The following ZNF862 variants were observed in gnomAD, a reference collection of about 807,000 sequenced individuals.
ZNF862 encodes the protein zinc finger protein 862.
ZNF862 carries 64 observed loss-of-function variants against 91.1 expected under a neutral mutation model. The ratio of observed to expected loss-of-function variants is 0.70; its 90% CI spans 0.57 to 0.87. ZNF862 has a LOEUF of 0.87. Ranked by LOEUF, ZNF862 falls within the 40% of genes least tolerant of loss-of-function variation. The probability of loss-of-function intolerance (pLI) is 0.00; values close to 1 mark genes in which losing one functional copy is unlikely to be tolerated. For synonymous variants in ZNF862, 631 were observed against 618.1 expected (o/e 1.02, Z -0.31); for missense variants, 1,459 against 1,528.0 (o/e 0.95, Z 0.75).
chr7:149,851,278 G>A (rs1442248304), intron 5 of ZNF862, among the ~76,000 whole-genome samples: 2 of 152,154 alleles, frequency 1.3e-5, no homozygotes, highest in East Asian at 3.9e-4. Context: ...TGATCCACCT[G>A]CCTTGGCCTC....
chr7:149,859,389 T>C, intron 5 of ZNF862, 33 bp from the exon 6 acceptor site: 1 of 1,535,726 alleles, frequency 6.5e-7, no homozygotes, highest in Middle Eastern at 1.7e-4. Flanking sequence ...GCCACAGCAG[T>C]GACATCAGCA....
intron 7 of ZNF862, among the ~76,000 whole-genome samples, chr7:149,863,758 T>A (rs2074703): frequency 1.5e-4 from 23 of 152,160 alleles, no homozygotes; most frequent in African/African-American, 5.3e-4. Flanking sequence ...GGGTAATCTC[T>A]GTTGGGGGCC....
intron 5 of ZNF862, among the ~76,000 whole-genome samples, chr7:149,856,916 T>C (rs1228146192): frequency 6.6e-6 from 1 of 152,246 alleles, no homozygotes; most frequent in Non-Finnish European, 1.5e-5. Flanking sequence ...TTTGGGCATA[T>C]AGGATTCTAG....
At position 149,859,459 on chromosome 7, in the gene ZNF862, G is replaced by T; in HGVS notation, c.1155G>T (p.Leu385=). The change falls in exon 6 of 8, where the codon CTG becomes CTT. Residue 385 remains leucine, a synonymous_variant. Transcript: ENST00000223210. ...CCAAGCCAGACTTGATCTCCAAACT[G>T]GAGCGGAGGGCTGCACCCTGGATCA... is the stretch of plus-strand genomic sequence containing the variant. ...AAAKPDLISK[L]ERRAAPWIKD... is the part of the protein sequence containing the mutation. The T allele has an allele frequency of 6.3e-7, 1 of 1,588,392 alleles. No individual in the cohort carries two copies.
intron 2 of ZNF862, among the ~76,000 whole-genome samples, chr7:149,845,689 A>G (rs899358859): frequency 1.2e-4 from 18 of 152,296 alleles, no homozygotes; most frequent in Admixed American, 7.2e-4. Flanking sequence ...TTTTCACATA[A>G]GAATATGGAT....
At chr7:149,841,809 T>C (rs762322671) in intron 1 of ZNF862, 2 of 960,292 alleles carry the variant, frequency 2.1e-6, no homozygotes, top group Non-Finnish European at 2.5e-6. Context: ...CTGAACATGG[T>C]TCTATTATTG....
chr7:149,845,047 T>C lies in ZNF862; in HGVS notation c.136+311T>C, dbSNP rs1801825069. The C allele has an allele frequency of 9.4e-6, 3 of 317,816 alleles. No homozygotes were observed. In the South Asian group the frequency reaches 9.7e-5, roughly 10 times the overall value. The allele number at this position is 317,816 out of a possible 1,614,324, so 19.7% of individuals were successfully genotyped here. A position where few individuals can be genotyped will look rare whatever the true frequency, so the allele number is the denominator to read the frequency against. ...GGGAGGGAAACTCGGAAACTAGGCC[T>C]GTGGATCTGTGGAGCCCGTAGGACA... On this transcript the variant is annotated intron_variant, in intron 2 of 7. Transcript: ENST00000223210.
intron 6 of ZNF862, chr7:149,860,041 A>G (rs1159281186): frequency 5.9e-6 from 2 of 337,178 alleles, no homozygotes; most frequent in Non-Finnish European, 1.1e-5. Context: ...ACGAGAGTGA[A>G]AGCCACCTGC....
At chr7:149,849,703 A>G (rs2128937761) in intron 4 of ZNF862, among the ~76,000 whole-genome samples, 2 of 152,302 alleles carry the variant, frequency 1.3e-5, no homozygotes, top group South Asian at 4.1e-4. Flanking sequence ...ACCTTTTATC[A>G]TCTGAATTCA....
At chr7:149,843,957 C>T (rs1387625361) in intron 1 of ZNF862, among the ~76,000 whole-genome samples, 2 of 152,130 alleles carry the variant, frequency 1.3e-5, no homozygotes, top group East Asian at 3.9e-4. Context: ...TCTTGGTTTT[C>T]AAGAGTGTAT....
chr7:149,857,918 G>A (rs546928232), intron 5 of ZNF862, among the ~76,000 whole-genome samples: 17 of 152,236 alleles, frequency 1.1e-4, no homozygotes, highest in African/African-American at 3.4e-4. Flanking sequence ...TTTCAGTACC[G>A]CACCACCCCT....
At chr7:149,844,925 C>T (rs2128936313) in intron 2 of ZNF862, 189 bp downstream of exon 2, 2 of 552,414 alleles carry the variant, frequency 3.6e-6, no homozygotes, top group East Asian at 6.4e-5. Flanking sequence ...CCTTTCTCTT[C>T]TCCCCTTAAA....
At position 149,864,136 on chromosome 7, in the gene ZNF862, G is replaced by A; in HGVS notation, c.3362G>A (p.Gly1121Glu). 6.3e-7 allele frequency: 1 copy of A among 1,589,842 alleles called. No homozygotes were observed. The highest frequency in any genetic ancestry group is 1.2e-5 in the South Asian group (1 of 86,918). The stretch of plus-strand genomic sequence containing the variant: ...GCCAGGCTCAGGAAGGAGGAGATGG[G>A]AGCCCTCTATGTGGAGGAGCCCAGG... ...ASARLRKEEM[G>E]ALYVEEPRTQ... Residue 1121 changes from glycine (G) to glutamate (E), a missense_variant, in exon 8 of 8, where the codon GGA becomes GAA. Physicochemically the swap from Gly to Glu is moderately conservative, Grantham distance 98 (BLOSUM62 -2). Transcript: ENST00000223210.
In ZNF862 at chr7:149,862,303, G is replaced by A. The variant is rs745905639; in HGVS notation, c.3143G>A (p.Arg1048Gln). The change falls in exon 7 of 8, where the codon CGA (arginine) becomes CAA (glutamine). Residue 1048 changes from arginine to glutamine, a missense_variant. Arg to Gln is a conservative substitution (Grantham distance 43). Transcript: ENST00000223210. ...GAGCGGGGGTTCAAGGCCATGAACCGAATCAGGACCGATGAGAGGACCAAG... is the reference window on the plus strand; with the variant it reads ...GAGCGGGGGTTCAAGGCCATGAACCAAATCAGGACCGATGAGAGGACCAAG... ...CCERGFKAMN[R>Q]IRTDERTKLS... 1.2e-5 allele frequency: 20 copies of A among 1,613,376 alleles called. No individual in the cohort carries two copies. Among genetic ancestry groups the A allele is most frequent in the South Asian group, 1.1e-4 (10 of 90,988 alleles).
At position 149,848,414 on chromosome 7, in the gene ZNF862, AG is replaced by A. The variant is rs1801954345; in HGVS notation, c.922del (p.Val308Ter). ...ACATTAATATTTTATATAATGATGC[AG>A]TAGAATCCTGCATTCAGGTAATACG... Reference protein sequence around the residue: ...SDINILYNDAVESCIQDPSAE... With the variant: ...SDINILYNDAXESCIQDPSAE... On this transcript the variant is annotated frameshift_variant, in exon 4 of 8. Transcript: ENST00000223210. LOFTEE classifies it high-confidence loss of function. 2 of 1,553,452 alleles carry A rather than the reference AG, an allele frequency of 1.3e-6. No homozygotes were observed. Among genetic ancestry groups the A allele is most frequent in the East Asian group, 4.6e-5 (2 of 43,444 alleles).
intron 7 of ZNF862, among the ~76,000 whole-genome samples, chr7:149,863,518 C>T (rs1458051105): frequency 1.3e-5 from 2 of 152,150 alleles, no homozygotes; most frequent in Admixed American, 1.3e-4. Context: ...AAAAGAGACC[C>T]CTCACTGATA....
chr7:149,840,363 T>C (rs1482001543), intron 1 of ZNF862, among the ~76,000 whole-genome samples: 1 of 152,112 alleles, frequency 6.6e-6, no homozygotes, highest in Non-Finnish European at 1.5e-5. Flanking sequence ...CTAAGTGTTA[T>C]TACAAAAGAG....
intron 1 of ZNF862, among the ~76,000 whole-genome samples, chr7:149,843,582 C>G (rs1801775141): frequency 1.3e-5 from 2 of 152,266 alleles, no homozygotes; most frequent in East Asian, 3.9e-4. Context: ...CACCTCCCAT[C>G]TATTTTGGTC....
rs758646559 is a variant in ZNF862 at position 149,861,691 on chromosome 7, T to G, written c.2531T>G (p.Leu844Arg). 6.2e-7 allele frequency: 1 copy of G among 1,612,908 alleles called. No homozygotes were observed. The highest frequency in any genetic ancestry group is 8.5e-7 in the Non-Finnish European group (1 of 1,179,582). ...GFHFVKFCHF[L>R]LDFLSIYRPL... is the part of the protein sequence containing the mutation. ...CACTTTGTCAAGTTCTGCCACTTCCTGTTGGACTTCCTGAGCATCTACAGG... is the reference window on the plus strand; with the variant it reads ...CACTTTGTCAAGTTCTGCCACTTCCGGTTGGACTTCCTGAGCATCTACAGG... The change falls in exon 7 of 8, where the codon CTG (leucine) becomes CGG (arginine). Residue 844 changes from leucine (L) to arginine (R), a missense_variant. Coordinates refer to ENST00000223210, the MANE Select transcript of ZNF862 (RefSeq NM_001099220.3). The surrounding 1 kb of genome is among the most constrained non-coding windows in gnomAD (Gnocchi z 6.7).
Sources: gnomAD v4.1 joint callset for allele counts (sites outside exome capture counted in the v4.1 genomes callset) on GRCh38, gnomAD v4.1.1 for gene constraint, Gnocchi (gnomAD v3.1) non-coding constraint, MANE v1.5 for transcripts, NCBI Gene and HGNC (gene_info 2026-07-23, HGNC 2026-07-21) for gene names.